NSD2: variants seen among roughly 807,000 people sequenced by gnomAD.
NSD2 encodes the protein histone-lysine N-methyltransferase NSD2.
NSD2 carries 12 observed loss-of-function variants against 139.0 expected under a neutral mutation model. The observed-to-expected ratio is 0.09, with a 90% CI of 0.06 to 0.14. The LOEUF (loss-of-function observed/expected upper bound fraction) is 0.14, where lower values mean the gene tolerates loss of function less well. Among genes scored for constraint, NSD2 ranks in the 10% least tolerant of loss-of-function variants. The probability of loss-of-function intolerance (pLI) is 1.00; values close to 1 mark genes in which losing one functional copy is unlikely to be tolerated. For missense variants in NSD2, 1,155 were observed against 1,745.0 expected (o/e 0.66, Z 6.02); for synonymous variants, 669 against 648.7 (o/e 1.03, Z -0.48).
Position 1,976,316 on chromosome 4 carries a change from T to G in NSD2, c.3622-159T>G. 1.4e-6 allele frequency: 1 copy of G among 736,142 alleles called. No homozygotes were observed. Among genetic ancestry groups the G allele is most frequent in the Non-Finnish European group, 2.3e-6 (1 of 443,880 alleles). 45.6% of individuals were successfully genotyped at this position (736,142 alleles called of 1,614,324 possible). A position where few individuals can be genotyped will look rare whatever the true frequency, so the allele number is the denominator to read the frequency against. The stretch of plus-strand genomic sequence containing the variant: ...ACGCTGAGTCGAGTGAGTCTAAGGA[T>G]GTCTGGGGAGCACGAGGAGGACACT... On this transcript the variant is annotated intron_variant, in intron 20 of 21. Transcript: ENST00000508803. The surrounding 1 kb of genome is among the most constrained non-coding windows in gnomAD (Gnocchi z 5.3).
intron 3 of NSD2, among the ~76,000 whole-genome samples, chr4:1,906,058 C>A (rs529737678): frequency 1.9e-4 from 29 of 152,250 alleles, no homozygotes; most frequent in African/African-American, 7.0e-4. Flanking sequence ...CACAGCAAAC[C>A]CTGTGACTCC....
At position 1,916,959 on chromosome 4, in the gene NSD2, T is replaced by G. The variant is rs1331156811; in HGVS notation, c.849T>G (p.Ala283=). ...RAWIFEKSLV[A]FEGEGQFEKL... is the part of the protein sequence containing the mutation. ...GGATATTTGAGAAGAGCCTCGTAGC[T>G]TTTGAAGGAGAAGGACAGTTTGAAA... is the stretch of plus-strand genomic sequence containing the variant. Residue 283 remains alanine, a synonymous_variant, in exon 4 of 22, where the codon GCT becomes GCG. Transcript: ENST00000508803. 1 of 1,614,066 alleles carries G rather than the reference T, an allele frequency of 6.2e-7. No individual in the cohort carries two copies. The highest frequency in any genetic ancestry group is 2.2e-5 in the East Asian group (1 of 44,894).
Position 1,918,616 on chromosome 4 carries a change from G to A in NSD2, c.1403G>A (p.Arg468Lys). 1 of 1,613,666 alleles carries A rather than the reference G, an allele frequency of 6.2e-7. No individual in the cohort carries two copies. Among genetic ancestry groups the A allele is most frequent in the South Asian group, 1.1e-5 (1 of 91,038 alleles). ...TTTTTGGTCTTCTGTCAAAAACACA[G>A]GGATGAGGTCAGTACTAAGTTGTGT... ...SQFLVFCQKH[R>K]DEVVAEHPDA... Residue 468 changes from arginine to lysine, a missense_variant, in exon 5 of 22, where the codon AGG becomes AAG. By Grantham distance (26) the Arg-to-Lys change is conservative (BLOSUM62 2). Transcript: ENST00000508803.
At chr4:1,876,216 A>G (rs1308912823) in intron 1 of NSD2, among the ~76,000 whole-genome samples, 1 of 150,198 alleles carries the variant, frequency 6.7e-6, no homozygotes, top group African/African-American at 2.4e-5. Flanking sequence ...CCCTGTCTCA[A>G]AAAAAAAAAA....
intron 7 of NSD2, among the ~76,000 whole-genome samples, chr4:1,936,828 C>G (rs1722462646): frequency 6.6e-6 from 1 of 152,102 alleles, no homozygotes; most frequent in Admixed American, 6.5e-5. Context: ...AATATGTGGA[C>G]ACCATATCAT....
intron 5 of NSD2, among the ~76,000 whole-genome samples, chr4:1,927,109 T>G (rs913136487): frequency 1.3e-5 from 2 of 152,238 alleles, no homozygotes; most frequent in Admixed American, 1.3e-4. Context: ...CTCTCACTCA[T>G]GCTGCTGGCA....
At chr4:1,937,958 C>T (rs1722598962) in intron 7 of NSD2, among the ~76,000 whole-genome samples, 1 of 152,208 alleles carries the variant, frequency 6.6e-6, no homozygotes, top group South Asian at 2.1e-4. Flanking sequence ...AATTGGAAAT[C>T]CTCAGTATAG....
At chr4:1,978,488 G>A in intron 21 of NSD2, 150 bp from the exon 22 acceptor site, 1 of 1,155,602 alleles carries the variant, frequency 8.7e-7, no homozygotes, top group Non-Finnish European at 1.2e-6. Context: ...CCGGGCTGTG[G>A]TAGACAGTTT....
rs1723735082 is a variant in NSD2 at position 1,947,301 on chromosome 4, A to T, written c.1882-3771A>T. 4 of 1,062,156 alleles carry T rather than the reference A, an allele frequency of 3.8e-6. No homozygotes were observed. The South Asian group carries it at 1.4e-4, about 36-fold the overall frequency. 65.8% of individuals were successfully genotyped at this position (1,062,156 alleles called of 1,614,324 possible). A position where few individuals can be genotyped will look rare whatever the true frequency, so the allele number is the denominator to read the frequency against. Reference sequence around the variant, plus strand: ...TTGGGAGCAGCAGCCACCTGGCCTCACTCTGGCCACAGGTGACACTTGGTC... The same window carrying T: ...TTGGGAGCAGCAGCCACCTGGCCTCTCTCTGGCCACAGGTGACACTTGGTC... On this transcript the variant is annotated intron_variant, in intron 9 of 21. Transcript: ENST00000508803.
rs184511643 is a variant in NSD2 at position 1,980,206 on chromosome 4, A to G, written c.*1297A>G. ...CCTGTGAGATTTCACTTTAGTTTTT[A>G]AAAGGTCCAGTTCTACAGAGTGAGA... On this transcript the variant is annotated 3_prime_UTR_variant, in exon 22 of 22. Coordinates refer to ENST00000508803, the MANE Select transcript of NSD2 (RefSeq NM_001042424.3). The G allele has an allele frequency of 3.4e-4, 80 of 233,232 alleles. No individual in the cohort carries two copies. The highest frequency in any genetic ancestry group is 2.8e-4 in the Admixed American group (5 of 17,800). 14.4% of individuals were successfully genotyped at this position (233,232 alleles called of 1,614,324 possible).
intron 2 of NSD2, among the ~76,000 whole-genome samples, chr4:1,902,298 C>T (rs572524015): frequency 1.3e-5 from 2 of 152,200 alleles, no homozygotes; most frequent in East Asian, 1.9e-4. Flanking sequence ...GATCATGGCT[C>T]ACAACAGCCT....
chr4:1,939,761 T>A lies in NSD2; in HGVS notation c.1864T>A (p.Ser622Thr), dbSNP rs1722887139. 7 of 1,614,128 alleles carry A rather than the reference T, an allele frequency of 4.3e-6. No individual in the cohort carries two copies. Among genetic ancestry groups the A allele is most frequent in the Non-Finnish European group, 4.2e-6 (5 of 1,180,050 alleles). Residue 622 changes from serine (S) to threonine (T), a missense_variant, in exon 9 of 22, where the codon TCC becomes ACC. Physicochemically the swap from Ser to Thr is moderately conservative, Grantham distance 58. Transcript: ENST00000508803. Reference protein sequence around the residue: ...GFSKSSSPSASLTENEVSDSP... With the variant: ...GFSKSSSPSATLTENEVSDSP... ...TAGCAAAAGTTCATCTCCTTCTGCA[T>A]CCTTAACTGAGAATGAGGTAAAATA... is the stretch of plus-strand genomic sequence containing the variant.
intron 5 of NSD2, among the ~76,000 whole-genome samples, chr4:1,923,880 A>G (rs961064267): frequency 6.6e-6 from 1 of 152,220 alleles, no homozygotes; most frequent in Admixed American, 6.5e-5. Context: ...AAGGGTATGC[A>G]GATTCTATCA....
rs1364634984 is a variant in NSD2 at position 1,915,176 on chromosome 4, C to T, written c.761-1695C>T. ...TGTTGCCCAGGCTGGAGTGCAGTGG[C>T]GCAGTCTCGGCTCACTGCAAGCTCC... On this transcript the variant is annotated intron_variant, in intron 3 of 21. Coordinates refer to ENST00000508803, the MANE Select transcript of NSD2 (RefSeq NM_001042424.3). 5.4e-5 allele frequency among the ~76,000 whole-genome samples: 7 copies of T among 128,770 alleles called. No individual in the cohort carries two copies. The South Asian group carries it at 1.2e-3, about 22-fold the overall frequency. The allele number at this position is 128,770 out of a possible 152,430, so 84.5% of individuals were successfully genotyped here. A position where few individuals can be genotyped will look rare whatever the true frequency, so the allele number is the denominator to read the frequency against.
chr4:1,965,010 A>G (rs1725733953), intron 18 of NSD2, among the ~76,000 whole-genome samples: 2 of 141,806 alleles, frequency 1.4e-5, no homozygotes, highest in South Asian at 5.0e-4. Context: ...TCTAATTTCT[A>G]GAGTTACCAC....
intron 3 of NSD2, among the ~76,000 whole-genome samples, chr4:1,916,595 G>T (rs1468464775): frequency 6.6e-6 from 1 of 152,206 alleles, no homozygotes; most frequent in Non-Finnish European, 1.5e-5. Context: ...CCCTGCCTCG[G>T]CCTCCCAAAG....
chr4:1,936,932 C>T (rs906298740), intron 7 of NSD2, among the ~76,000 whole-genome samples: 5 of 152,184 alleles, frequency 3.3e-5, no homozygotes, highest in Admixed American at 2.6e-4. Flanking sequence ...TCTGGGGCAC[C>T]TGCCATAGGT....
intron 1 of NSD2, among the ~76,000 whole-genome samples, chr4:1,876,522 C>T (rs1429213142): frequency 1.3e-5 from 2 of 152,012 alleles, no homozygotes; most frequent in Admixed American, 6.6e-5. Flanking sequence ...GAGACCCCAT[C>T]TCTACAAAAA....
intron 1 of NSD2, among the ~76,000 whole-genome samples, chr4:1,877,274 T>A (rs1014337743): frequency 3.9e-5 from 6 of 152,162 alleles, no homozygotes; most frequent in African/African-American, 1.4e-4. Flanking sequence ...CCGACTCCGG[T>A]TTTACTGTCT....
Sources: allele counts gnomAD v4.1 joint callset (sites outside exome capture counted in the v4.1 genomes callset), GRCh38; gene constraint gnomAD v4.1.1; non-coding constraint Gnocchi (gnomAD v3.1); transcripts MANE v1.5; gene names NCBI Gene and HGNC (gene_info 2026-07-23, HGNC 2026-07-21).